ADARB2: variants seen among roughly 807,000 people sequenced by gnomAD.
ADARB2 encodes adenosine deaminase RNA specific B2 (inactive).
In ADARB2, 25 loss-of-function variants were observed where a neutral mutation model predicts 62.2. The observed-to-expected ratio is 0.40, with a 90% CI of 0.29 to 0.56. The LOEUF (loss-of-function observed/expected upper bound fraction) is 0.56. Among genes scored for constraint, ADARB2 ranks in the 20% least tolerant of loss-of-function variants. The pLI is 0.43. For missense variants in ADARB2, 1,071 were observed against 1,077.4 expected (o/e 0.99, Z 0.08); for synonymous variants, 572 against 500.8 (o/e 1.14, Z -1.90).
In ADARB2 at chr10:1,233,874, T is replaced by G. The variant is rs772030192; in HGVS notation, c.1362-29A>C. ...GGGTCACAAAGAGGTTTGGGGTCAT[T>G]TATCACAAACCAAACCAGAAATGTT... is the stretch of plus-strand genomic sequence containing the variant. On this transcript the variant is annotated intron_variant, in intron 5 of 9. Coordinates refer to ENST00000381312, the MANE Select transcript of ADARB2 (RefSeq NM_018702.4). 2.5e-6 allele frequency: 4 copies of G among 1,602,916 alleles called. No individual in the cohort carries two copies. The African/African-American group carries it at 5.4e-5, about 21-fold the overall frequency.
chr10:1,537,710 G>A (rs972867813), intron 1 of ADARB2, among the ~76,000 whole-genome samples: 1 of 152,138 alleles, frequency 6.6e-6, no homozygotes, highest in East Asian at 1.9e-4. Context: ...ACTAACACAG[G>A]AACAGAAAAC....
intron 2 of ADARB2, among the ~76,000 whole-genome samples, chr10:1,375,879 G>A (rs1832421313): frequency 7.1e-6 from 1 of 140,154 alleles, no homozygotes; most frequent in Non-Finnish European, 1.5e-5. Context: ...ACATGCATGT[G>A]AACTCCCACA....
chr10:1,591,948 C>T lies in ADARB2; in HGVS notation c.100+145103G>A, dbSNP rs1046859338. On this transcript the variant is annotated intron_variant, in intron 1 of 9. Coordinates refer to ENST00000381312, the MANE Select transcript of ADARB2 (RefSeq NM_018702.4). ...TCGACCTCCGGCCGGCATCCTTCAC[C>T]TCACCCACCAGCCTGTGGACAGCGG... is the stretch of plus-strand genomic sequence containing the variant. Among the ~76,000 whole-genome samples, 6 of 152,234 alleles carry T rather than the reference C, an allele frequency of 3.9e-5. 1 individual carries two copies. Among genetic ancestry groups the T allele is most frequent in the Admixed American group, 2.6e-4 (4 of 15,290 alleles).
At chr10:1,707,945 T>C (rs1564200793) in intron 1 of ADARB2, among the ~76,000 whole-genome samples, 1 of 152,172 alleles carries the variant, frequency 6.6e-6, no homozygotes, top group African/African-American at 2.4e-5. Flanking sequence ...CTCCATTTTT[T>C]CTCATCATGA....
intron 8 of ADARB2, among the ~76,000 whole-genome samples, chr10:1,197,116 T>C (rs910669029): frequency 2.6e-5 from 4 of 152,244 alleles, no homozygotes; most frequent in Admixed American, 2.0e-4. Flanking sequence ...AAAAATAATA[T>C]TGCAAATCAC....
intron 1 of ADARB2, among the ~76,000 whole-genome samples, chr10:1,707,109 T>C (rs1834899409): frequency 6.6e-6 from 1 of 152,254 alleles, no homozygotes. Context: ...CAACAAACAT[T>C]GTTTCCAGAA....
At chr10:1,497,103 A>G (rs1831703285) in intron 1 of ADARB2, among the ~76,000 whole-genome samples, 1 of 152,164 alleles carries the variant, frequency 6.6e-6, no homozygotes, top group African/African-American at 2.4e-5. Flanking sequence ...TAAGTTCTAT[A>G]AGCCTAAGTC....
intron 9 of ADARB2, among the ~76,000 whole-genome samples, chr10:1,184,532 G>A (rs961357197): frequency 7.9e-5 from 12 of 152,180 alleles, no homozygotes; most frequent in African/African-American, 2.9e-4. Flanking sequence ...GAATAGTATC[G>A]ACTTCAAAAG....
intron 2 of ADARB2, among the ~76,000 whole-genome samples, chr10:1,378,580 G>C (rs531558701): frequency 3.9e-5 from 6 of 152,268 alleles, no homozygotes; most frequent in Admixed American, 3.9e-4. Flanking sequence ...TAAGATTCCA[G>C]GTTAGGATGG....
intron 3 of ADARB2, among the ~76,000 whole-genome samples, chr10:1,338,236 T>C (rs1038488327): frequency 1.3e-5 from 2 of 152,188 alleles, no homozygotes; most frequent in Non-Finnish European, 2.9e-5. Context: ...TGATAAGTGT[T>C]TAACCGAACA....
intron 1 of ADARB2, among the ~76,000 whole-genome samples, chr10:1,729,958 G>A (rs1835211778): frequency 6.6e-6 from 1 of 152,222 alleles, no homozygotes; most frequent in African/African-American, 2.4e-5. Context: ...AATAAATGGA[G>A]CAGCACAGAT....
intron 1 of ADARB2, among the ~76,000 whole-genome samples, chr10:1,591,560 G>A (rs1833254030): frequency 6.6e-6 from 1 of 152,070 alleles, no homozygotes; most frequent in Non-Finnish European, 1.5e-5. Flanking sequence ...CAGTGTCTGT[G>A]CAATTCAGAA....
Position 1,199,006 on chromosome 10 carries a change from G to C in ADARB2, c.1864+960C>G, listed in dbSNP as rs146730329. Among the ~76,000 whole-genome samples, 3 of 152,356 alleles carry C rather than the reference G, an allele frequency of 2.0e-5. No individual in the cohort carries two copies. In the East Asian group the frequency reaches 5.8e-4, roughly 29 times the overall value. On this transcript the variant is annotated intron_variant, in intron 8 of 9. Coordinates refer to ENST00000381312, the MANE Select transcript of ADARB2 (RefSeq NM_018702.4). ...AGCGGGGATGGCCTAAGGAAAACGCGCAGAAAAAGAGTGCAGGAGCCACTT... is the reference window on the plus strand; with the variant it reads ...AGCGGGGATGGCCTAAGGAAAACGCCCAGAAAAAGAGTGCAGGAGCCACTT...
intron 8 of ADARB2, chr10:1,199,612 T>G: frequency 8.9e-6 from 2 of 224,218 alleles, no homozygotes; most frequent in Non-Finnish European, 1.7e-5. Context: ...CATCGCCTCC[T>G]GTGGGCGGCC....
chr10:1,717,996 A>G (rs17294110), intron 1 of ADARB2, among the ~76,000 whole-genome samples: 19,703 of 152,212 alleles, frequency 0.13, 1,639 homozygotes, highest in Non-Finnish European at 0.18. Flanking sequence ...TTAGAACACT[A>G]TAATGCAGGC....
At chr10:1,735,839 T>C (rs371047810) in intron 1 of ADARB2, among the ~76,000 whole-genome samples, 3 of 152,238 alleles carry the variant, frequency 2.0e-5, no homozygotes, top group Non-Finnish European at 4.4e-5. Flanking sequence ...TTGACATTTA[T>C]GCCTGCTGAC....
At chr10:1,727,270 C>A (rs140256813) in intron 1 of ADARB2, among the ~76,000 whole-genome samples, 169 of 152,250 alleles carry the variant, frequency 1.1e-3, no homozygotes, top group Non-Finnish European at 1.9e-3. Flanking sequence ...GGAAGCACCA[C>A]CAGCACCCAC....
intron 8 of ADARB2, among the ~76,000 whole-genome samples, chr10:1,194,825 A>T (rs556223317): frequency 6.6e-6 from 1 of 152,220 alleles, no homozygotes; most frequent in Non-Finnish European, 1.5e-5. Flanking sequence ...GCGTGGTCAT[A>T]TTAGGGTCTG....
At chr10:1,610,883 T>C (rs942817304) in intron 1 of ADARB2, among the ~76,000 whole-genome samples, 1 of 151,412 alleles carries the variant, frequency 6.6e-6, no homozygotes, top group Non-Finnish European at 1.5e-5. Context: ...CAAACACACA[T>C]AGACATGTAA....
Sources: gnomAD v4.1 joint callset for allele counts (sites outside exome capture counted in the v4.1 genomes callset) on GRCh38, gnomAD v4.1.1 for gene constraint, MANE v1.5 for transcripts, NCBI Gene and HGNC (gene_info 2026-07-23, HGNC 2026-07-21) for gene names.